Variants in ERICH6 observed in about 807,000 individuals in gnomAD.
ERICH6 encodes the protein glutamate rich 6.
Under a neutral mutation model 71.0 loss-of-function variants are expected in ERICH6, and 71 were observed. That is an observed-to-expected ratio of 1.00 (90% CI 0.83 to 1.22). ERICH6 has a LOEUF of 1.22. Ranked by LOEUF, ERICH6 falls within the 50% of genes most tolerant of loss-of-function variation. The pLI, the probability that ERICH6 is intolerant of heterozygous loss-of-function variation, is 0.00. For synonymous variants in ERICH6, 262 were observed against 278.4 expected (o/e 0.94, Z 0.59); for missense variants, 808 against 797.2 (o/e 1.01, Z -0.16).
chr3:150,680,842 GC>G lies in ERICH6; in HGVS notation c.970del (p.Ala324LeufsTer36). On this transcript the variant is annotated frameshift_variant, in exon 8 of 14. Transcript: ENST00000295910. LOFTEE classifies it high-confidence loss of function. ...KTKPPKAELI[A>X]IDPHAAHGSE... Reference sequence around the variant, plus strand: ...ACCATGGGCTGCATGAGGGTCAATAGCAATTAATTCAGCTTTAGGGGGTTTG... The same window carrying G: ...ACCATGGGCTGCATGAGGGTCAATAGAATTAATTCAGCTTTAGGGGGTTTG... 6.2e-7 allele frequency: 1 copy of G among 1,614,058 alleles called. No individual in the cohort carries two copies. Among genetic ancestry groups the G allele is most frequent in the Non-Finnish European group, 8.5e-7 (1 of 1,180,020 alleles).
At chr3:150,682,042 T>C (rs544320478) in intron 7 of ERICH6, among the ~76,000 whole-genome samples, 176 bp downstream of exon 7, 1 of 152,280 alleles carries the variant, frequency 6.6e-6, no homozygotes, top group African/African-American at 2.4e-5. Flanking sequence ...CTCGAACTCC[T>C]GAGCTCAGGC....
At position 150,703,782 on chromosome 3, in the gene ERICH6, TTCC is replaced by T. The variant is rs748651636; in HGVS notation, c.114_116del (p.Glu40del). The T allele has an allele frequency of 9.0e-6, 14 of 1,559,032 alleles. No individual in the cohort carries two copies. In the South Asian group the frequency reaches 9.4e-5, roughly 10 times the overall value. ...CCTCTTCCTCCTCCTCCTCCACCTC[TTCC>T]TCCTCCTCCTCCACCTCTTCCTCCT... On this transcript the variant is annotated inframe_deletion, in exon 1 of 14. Transcript: ENST00000295910.
At position 150,703,906 on chromosome 3, in the gene ERICH6, G is replaced by T; in HGVS notation, c.-8C>A. 1.9e-6 allele frequency: 3 copies of T among 1,612,944 alleles called. No individual in the cohort carries two copies. Among genetic ancestry groups the T allele is most frequent in the Non-Finnish European group, 2.5e-6 (3 of 1,179,334 alleles). Reference sequence around the variant, plus strand: ...CGAGCGCAAGTGGGCCATGGCTGGCGGGAGGCGGGATTACAGCCAGCTCTT... The same window carrying T: ...CGAGCGCAAGTGGGCCATGGCTGGCTGGAGGCGGGATTACAGCCAGCTCTT... On this transcript the variant is annotated 5_prime_UTR_variant, in exon 1 of 14. Coordinates refer to ENST00000295910, the MANE Select transcript of ERICH6 (RefSeq NM_152394.5).
intron 8 of ERICH6, 67 bp downstream of exon 8, chr3:150,680,706 T>A: frequency 1.3e-6 from 2 of 1,560,250 alleles, no homozygotes; most frequent in Non-Finnish European, 1.7e-6. Context: ...AAAATGAGGT[T>A]CATTTACAAA....
intron 11 of ERICH6, among the ~76,000 whole-genome samples, chr3:150,671,102 T>G (rs1451754379): frequency 6.6e-6 from 1 of 152,100 alleles, no homozygotes; most frequent in Non-Finnish European, 1.5e-5. Flanking sequence ...TCTAAAAACT[T>G]TAAAAAAATT....
At chr3:150,695,052 T>A (rs1712602489) in intron 3 of ERICH6, among the ~76,000 whole-genome samples, 2 of 152,200 alleles carry the variant, frequency 1.3e-5, no homozygotes. Context: ...GACAGCTGCA[T>A]CCTCATGACC....
chr3:150,703,359 A>G, intron 1 of ERICH6, 137 bp downstream of exon 1: 1 of 1,417,556 alleles, frequency 7.1e-7, no homozygotes, highest in Non-Finnish European at 9.2e-7. Flanking sequence ...GAGAGAGATT[A>G]GGTGTGTGGA....
rs1727430573 is a variant in ERICH6 at position 150,666,799 on chromosome 3, T to C, written c.1716A>G (p.Gly572=). ...AMGQQARISV[G]TKVKLPNPEE... ...AAAATGTACCTACCTTCACTTTGGT[T>C]CCAACACTGATTCTTGCCTGTTGGC... The change falls in exon 13 of 14, where the codon GGA becomes GGG. Residue 572 remains glycine (G), a synonymous_variant. Transcript: ENST00000295910. 1.2e-6 allele frequency: 2 copies of C among 1,613,966 alleles called. No individual in the cohort carries two copies. The highest frequency in any genetic ancestry group is 2.7e-5 in the African/African-American group (2 of 74,936).
At position 150,662,377 on chromosome 3, in the gene ERICH6, A is replaced by G. The variant is rs1466798809; in HGVS notation, c.1729-2222T>C. ...TTCACAACCATTTTGGGAAACTTTC[A>G]TACATTTCTCAGAAGTAAACCCAAT... On this transcript the variant is annotated intron_variant, in intron 13 of 13. Transcript: ENST00000295910. Among the ~76,000 whole-genome samples, 9 of 152,236 alleles carry G rather than the reference A, an allele frequency of 5.9e-5. No individual in the cohort carries two copies. The South Asian group carries it at 1.9e-3, about 32-fold the overall frequency.
In ERICH6 at chr3:150,685,742, C is replaced by T. The variant is rs1253129411; in HGVS notation, c.783G>A (p.Lys261=). 2 of 1,607,958 alleles carry T rather than the reference C, an allele frequency of 1.2e-6. No individual in the cohort carries two copies. Among genetic ancestry groups the T allele is most frequent in the Admixed American group, 3.4e-5 (2 of 59,486 alleles). The change falls in exon 6 of 14, where the codon AAG becomes AAA. Residue 261 remains lysine (K), a splice_region_variant and synonymous_variant. Transcript: ENST00000295910. The stretch of plus-strand genomic sequence containing the variant: ...AATAAGAAACATGAATTAAAGTCAC[C>T]TTGAAGTTAATGCCTAAATTGGAGC... ...EESSNLGINF[K]DEEEETSPKC...
At chr3:150,702,369 C>T (rs1025759859) in intron 1 of ERICH6, among the ~76,000 whole-genome samples, 191 bp from the exon 2 acceptor site, 40 of 151,790 alleles carry the variant, frequency 2.6e-4, no homozygotes, top group African/African-American at 7.5e-4. Context: ...CTCCACCTCC[C>T]GGGTTCACGC....
rs1487771440 is a variant in ERICH6 at position 150,660,047 on chromosome 3, A to C, written c.1837T>G (p.Cys613Gly). 6.2e-7 allele frequency: 1 copy of C among 1,614,162 alleles called. No individual in the cohort carries two copies. The highest frequency in any genetic ancestry group is 1.1e-5 in the South Asian group (1 of 91,082). The change falls in exon 14 of 14, where the codon TGT becomes GGT. Residue 613 changes from cysteine to glycine, a missense_variant. Around this residue, in one of 3 missense-constraint regions of ERICH6, gnomAD observed 736 missense variants for 712.2 expected, o/e 1.03. Coordinates refer to ENST00000295910, the MANE Select transcript of ERICH6 (RefSeq NM_152394.5). ...IRRLFHKLEGCVNFPSSQVWE... is the reference protein window; with the variant it reads ...IRRLFHKLEGGVNFPSSQVWE... ...ACCTGGCTTGAGGGAAAATTCACAC[A>C]TCCTTCAAGTTTATGAAACAGGCGA...
At chr3:150,681,318 C>T (rs1438187283) in intron 7 of ERICH6, among the ~76,000 whole-genome samples, 3 of 152,174 alleles carry the variant, frequency 2.0e-5, no homozygotes, top group Admixed American at 6.5e-5. Context: ...TGTCTGGCCT[C>T]TTTCACTTAG....
At chr3:150,665,305 C>T (rs1291856137) in intron 13 of ERICH6, among the ~76,000 whole-genome samples, 1 of 152,044 alleles carries the variant, frequency 6.6e-6, no homozygotes, top group Non-Finnish European at 1.5e-5. Context: ...TCTATTTCCA[C>T]ATACTTAAAA....
chr3:150,670,544 A>G (rs1187756558), intron 11 of ERICH6, among the ~76,000 whole-genome samples: 1 of 152,028 alleles, frequency 6.6e-6, no homozygotes, highest in Non-Finnish European at 1.5e-5. Context: ...AAGGAAATGA[A>G]AAGCATCCAG....
chr3:150,678,362 A>T, intron 10 of ERICH6, 47 bp downstream of exon 10: 2 of 1,522,000 alleles, frequency 1.3e-6, no homozygotes, highest in Non-Finnish European at 1.8e-6. Flanking sequence ...TTTAGGTAAA[A>T]CTGGTTTTTT....
intron 10 of ERICH6, among the ~76,000 whole-genome samples, 171 bp from the exon 11 acceptor site, chr3:150,674,212 G>T (rs1711565427): frequency 6.6e-6 from 1 of 152,054 alleles, no homozygotes; most frequent in Non-Finnish European, 1.5e-5. Context: ...TTAACAGATT[G>T]TCCCTAATCC....
intron 10 of ERICH6, 27 bp from the exon 11 acceptor site, chr3:150,674,068 C>T (rs1407869372): frequency 1.1e-5 from 18 of 1,595,874 alleles, no homozygotes; most frequent in Non-Finnish European, 1.3e-5. Flanking sequence ...AGAAAAGACA[C>T]TTAATTGTTT....
chr3:150,684,771 T>C (rs1041940263), intron 6 of ERICH6, among the ~76,000 whole-genome samples: 3 of 152,010 alleles, frequency 2.0e-5, no homozygotes, highest in African/African-American at 4.8e-5. Context: ...TGTTTCCAGG[T>C]TTTGTTCTTT....
Sources: allele counts gnomAD v4.1 joint callset (sites outside exome capture counted in the v4.1 genomes callset), GRCh38; gene constraint gnomAD v4.1.1; regional missense constraint gnomAD v4.1.1; transcripts MANE v1.5; gene names NCBI Gene and HGNC (gene_info 2026-07-23, HGNC 2026-07-21).